MVD: variants seen among roughly 807,000 people sequenced by gnomAD.
MVD encodes diphosphomevalonate decarboxylase.
A neutral mutation model predicts 42.4 loss-of-function variants in MVD; 52 were observed. That is an observed-to-expected ratio of 1.23 (90% CI 0.98 to 1.55). MVD has a LOEUF of 1.55. Ranked by LOEUF, MVD falls within the 40% of genes most tolerant of loss-of-function variation. The probability of loss-of-function intolerance (pLI) is 0.00; values close to 1 mark genes in which losing one functional copy is unlikely to be tolerated. For missense variants in MVD, 663 were observed against 572.1 expected (o/e 1.16, Z -1.62); for synonymous variants, 287 against 243.2 (o/e 1.18, Z -1.68).
chr16:88,657,962 CG>C lies in MVD; in HGVS notation c.208del (p.Arg70GlyfsTer46). On this transcript the variant is annotated frameshift_variant, in exon 3 of 10. Coordinates refer to ENST00000301012, the MANE Select transcript of MVD (RefSeq NM_002461.3). LOFTEE classifies it high-confidence loss of function. ...CCGCGGCTGCCCCACATCCTCCTCCCGGCCATTCAGCCAAATCCGGTCCTCG... is the reference window on the plus strand; with the variant it reads ...CCGCGGCTGCCCCACATCCTCCTCCCGCCATTCAGCCAAATCCGGTCCTCG... Reference protein sequence around the residue: ...FTEDRIWLNGREEDVGQPRLQ... With the variant: ...FTEDRIWLNGXEEDVGQPRLQ... The C allele has an allele frequency of 1.9e-6, 3 of 1,613,964 alleles. No individual in the cohort carries two copies. The highest frequency in any genetic ancestry group is 2.5e-6 in the Non-Finnish European group (3 of 1,180,040).
intron 4 of MVD, 146 bp from the exon 5 acceptor site, chr16:88,656,450 A>T: frequency 1.2e-6 from 1 of 820,140 alleles, no homozygotes; most frequent in Non-Finnish European, 1.9e-6. Context: ...CTTTGAGGCC[A>T]GCATTCACCG....
chr16:88,658,150 G>C, intron 2 of MVD, 121 bp from the exon 3 acceptor site: 1 of 969,286 alleles, frequency 1.0e-6, no homozygotes, highest in Non-Finnish European at 1.6e-6. Flanking sequence ...CCCTGCTGAG[G>C]GCAGGGGGGG....
Position 88,652,389 on chromosome 16 carries a change from A to C in MVD, c.*136T>G. On this transcript the variant is annotated 3_prime_UTR_variant, in exon 10 of 10. Coordinates refer to ENST00000301012, the MANE Select transcript of MVD (RefSeq NM_002461.3). ...GCCGCAGGACTCCCTGCACTGCCCC[A>C]CAGCAAGCTGCCCATGGGCCCGGGG... The C allele has an allele frequency of 1.0e-6, 1 of 975,044 alleles. No homozygotes were observed. 60.4% of individuals were successfully genotyped at this position (975,044 alleles called of 1,614,324 possible). A position where few individuals can be genotyped will look rare whatever the true frequency, so the allele number is the denominator to read the frequency against.
chr16:88,656,813 T>G, intron 4 of MVD: 1 of 247,060 alleles, frequency 4.0e-6, no homozygotes, highest in Non-Finnish European at 8.1e-6. Context: ...CCGAGGGTGG[T>G]TCAGGGAAGG....
In MVD at chr16:88,658,690, G is replaced by A; in HGVS notation, c.101C>T (p.Pro34Leu). 6.2e-7 allele frequency: 1 copy of A among 1,613,606 alleles called. No homozygotes were observed. Among genetic ancestry groups the A allele is most frequent in the East Asian group, 2.2e-5 (1 of 44,860 alleles). The change falls in exon 2 of 10, where the codon CCC (proline) becomes CTC (leucine). Residue 34 changes from proline to leucine, a missense_variant. Physicochemically the swap from Pro to Leu is moderately conservative, Grantham distance 98. Transcript: ENST00000301012. Reference protein sequence around the residue: ...WGKRDEELVLPINSSLSVTLH... With the variant: ...WGKRDEELVLLINSSLSVTLH... The stretch of plus-strand genomic sequence containing the variant: ...AGTGACGCTCAGGGAGGAGTTGATG[G>A]GCAGAACCAGCTCTTCATCGCGCTT...
At position 88,657,488 on chromosome 16, in the gene MVD, G is replaced by C; in HGVS notation, c.351C>G (p.Asn117Lys). The change falls in exon 4 of 10, where the codon AAC (asparagine) becomes AAG (lysine). Residue 117 changes from asparagine to lysine, a missense_variant. Coordinates refer to ENST00000301012, the MANE Select transcript of MVD (RefSeq NM_002461.3). ...AGGCCAGGCCCGCAGCCGTGGGGAA[G>C]TTGTTCACCGATGCCACGTGCACCT... is the stretch of plus-strand genomic sequence containing the variant. ...SCKVHVASVN[N>K]FPTAAGLASS... 1 of 1,612,754 alleles carries C rather than the reference G, an allele frequency of 6.2e-7. No individual in the cohort carries two copies. Among genetic ancestry groups the C allele is most frequent in the Non-Finnish European group, 8.5e-7 (1 of 1,179,902 alleles).
At chr16:88,656,362 C>G (rs778410365) in intron 4 of MVD, 58 bp from the exon 5 acceptor site, 1 of 1,563,352 alleles carries the variant, frequency 6.4e-7, no homozygotes, top group Admixed American at 1.7e-5. Flanking sequence ...TGCTCCCTGA[C>G]AGCTCACCGC....
intron 1 of MVD, among the ~76,000 whole-genome samples, chr16:88,659,820 G>C (rs1189355173): frequency 3.9e-5 from 6 of 151,946 alleles, no homozygotes; most frequent in African/African-American, 1.5e-4. Context: ...ACAAAAATTA[G>C]CCAGGCTGTA....
intron 5 of MVD, 166 bp downstream of exon 5, chr16:88,655,939 G>T: frequency 8.7e-7 from 1 of 1,143,192 alleles, no homozygotes; most frequent in South Asian, 1.6e-5. Context: ...CCCGCCGCAT[G>T]GGAGCGGTTC....
chr16:88,654,376 C>T (rs74033341), intron 8 of MVD, among the ~76,000 whole-genome samples: 5,141 of 152,280 alleles, frequency 0.034, 134 homozygotes, highest in African/African-American at 0.072. Flanking sequence ...GGAGTGCAGG[C>T]GTGTTTCCTA....
intron 1 of MVD, 166 bp downstream of exon 1, chr16:88,662,845 G>A (rs906093428): frequency 1.1e-5 from 16 of 1,437,626 alleles, no homozygotes; most frequent in African/African-American, 1.5e-5. Flanking sequence ...GAAGGAGCGC[G>A]CGGCCCCGCC....
rs533897446 is a variant in MVD at position 88,653,110 on chromosome 16, C to G, written c.1122+190G>C. Among the ~76,000 whole-genome samples, 37 of 152,342 alleles carry G rather than the reference C, an allele frequency of 2.4e-4. 1 individual carries two copies. The highest frequency in any genetic ancestry group is 7.7e-4 in the African/African-American group (32 of 41,588). On this transcript the variant is annotated intron_variant, in intron 9 of 9. Coordinates refer to ENST00000301012, the MANE Select transcript of MVD (RefSeq NM_002461.3). ...TCCCACCCTCAGCGCAGCCCTGCTG[C>G]TCTGAGCATCACCAGTGGCCTGTAA...
At position 88,652,544 on chromosome 16, in the gene MVD, A is replaced by G. The variant is rs1440665834; in HGVS notation, c.1184T>C (p.Leu395Pro). Residue 395 changes from leucine (L) to proline (P), a missense_variant, in exon 10 of 10, where the codon CTG (leucine) becomes CCG (proline). Leu to Pro is a moderately conservative substitution (Grantham distance 98, BLOSUM62 -3). Coordinates refer to ENST00000301012, the MANE Select transcript of MVD (RefSeq NM_002461.3). ...AGGCAGTCAGGCAGCTGGCTTCGGC[A>G]GGCCGTCAGGACCCAGGAGGTGGGC... ...PCAHLLGPDG[L>P]PKPAA The G allele has an allele frequency of 6.4e-7, 1 of 1,573,438 alleles. No individual in the cohort carries two copies. The highest frequency in any genetic ancestry group is 8.6e-7 in the Non-Finnish European group (1 of 1,159,366).
intron 7 of MVD, 126 bp from the exon 8 acceptor site, chr16:88,654,933 G>C: frequency 1.0e-6 from 1 of 993,820 alleles, no homozygotes; most frequent in South Asian, 1.7e-5. Flanking sequence ...GGCCACACTG[G>C]AGTGGAGCTG....
chr16:88,651,954 T>A lies in MVD; in HGVS notation c.*571A>T. On this transcript the variant is annotated 3_prime_UTR_variant, in exon 10 of 10. Coordinates refer to ENST00000301012, the MANE Select transcript of MVD (RefSeq NM_002461.3). ...CGGAGGCCGGAGGCAGCAATGCTGG[T>A]TTATTCCCCATGGCCACCGGGGCCG... 5.9e-6 allele frequency: 1 copy of A among 170,622 alleles called. No individual in the cohort carries two copies. Among genetic ancestry groups the A allele is most frequent in the South Asian group, 1.1e-4 (1 of 9,142 alleles). The allele number at this position is 170,622 out of a possible 1,614,324, so 10.6% of individuals were successfully genotyped here.
At chr16:88,654,668 A>C in intron 8 of MVD, 24 bp downstream of exon 8, 1 of 1,579,196 alleles carries the variant, frequency 6.3e-7, no homozygotes, top group East Asian at 2.4e-5. Context: ...CCCAAAAAGG[A>C]GGAGGGGCGG....
rs142098957 is a variant in MVD, at chr16:88,656,161, C to T, written c.547G>A (p.Ala183Thr). The T allele has an allele frequency of 4.4e-5, 70 of 1,602,028 alleles. No homozygotes were observed. Among genetic ancestry groups the T allele is most frequent in the East Asian group, 2.7e-4 (12 of 44,892 alleles). Residue 183 changes from alanine (A) to threonine (T), a missense_variant, in exon 5 of 10, where the codon GCT (alanine) becomes ACT (threonine). Physicochemically the swap from Ala to Thr is moderately conservative, Grantham distance 58 (BLOSUM62 0). Coordinates refer to ENST00000301012, the MANE Select transcript of MVD (RefSeq NM_002461.3). ...GEQADGKDSIARQVAPESHWP... is the reference protein window; with the variant it reads ...GEQADGKDSITRQVAPESHWP... ...TGTGACTCGGGGGCCACTTGCCGAG[C>T]GATGCTGTCCTTCCCGTCGGCCTGC...
chr16:88,653,667 G>A (rs139934159), intron 8 of MVD: 1 of 431,846 alleles, frequency 2.3e-6, no homozygotes, highest in East Asian at 4.7e-5. Context: ...GAATGGCTGA[G>A]ACAGGAAATT....
chr16:88,657,021 A>G, intron 4 of MVD: 1 of 359,126 alleles, frequency 2.8e-6, no homozygotes, highest in Non-Finnish European at 5.5e-6. Context: ...GTGAGCCACA[A>G]AATCATCGCT....
Sources: gnomAD v4.1 joint callset for allele counts (sites outside exome capture counted in the v4.1 genomes callset) on GRCh38, gnomAD v4.1.1 for gene constraint, MANE v1.5 for transcripts, NCBI Gene and HGNC (gene_info 2026-07-23, HGNC 2026-07-21) for gene names.